The following PTTG1 variants were observed in gnomAD, a reference collection of about 807,000 sequenced individuals.
PTTG1 encodes the protein securin.
A neutral mutation model predicts 20.0 loss-of-function variants in PTTG1; 8 were observed. The ratio of observed to expected loss-of-function variants is 0.40; its 90% CI spans 0.23 to 0.72. The LOEUF (loss-of-function observed/expected upper bound fraction) is 0.72. Ranked by LOEUF, PTTG1 falls within the 30% of genes least tolerant of loss-of-function variation. The probability of loss-of-function intolerance (pLI) is 0.38; values close to 1 mark genes in which losing one functional copy is unlikely to be tolerated. For synonymous variants in PTTG1, 79 were observed against 87.2 expected, an observed-to-expected ratio of 0.91 and a Z score of 0.52; for missense variants, 197 against 236.0, an observed-to-expected ratio of 0.83 and a Z score of 1.08.
intron 4 of PTTG1, among the ~76,000 whole-genome samples, chr5:160,427,079 T>G (rs1001945507): frequency 6.6e-6 from 1 of 152,178 alleles, no homozygotes; most frequent in Admixed American, 6.5e-5. Flanking sequence ...TTGACAAAAT[T>G]TTAACGTTTT....
intron 5 of PTTG1, 71 bp downstream of exon 5, chr5:160,427,944 AGAGTT>A (rs1472900894): frequency 1.9e-6 from 3 of 1,587,070 alleles, no homozygotes; most frequent in Non-Finnish European, 2.6e-6. Context: ...TACCATGGGA[AGAGTT>A]GTGCGGGAGG....
intron 4 of PTTG1, among the ~76,000 whole-genome samples, chr5:160,425,003 G>A (rs764360895): frequency 2.0e-5 from 3 of 152,188 alleles, no homozygotes; most frequent in Non-Finnish European, 2.9e-5. Flanking sequence ...TGCAAAGATC[G>A]TGAGGTAGGA....
rs752435608 is a variant in PTTG1, at chr5:160,428,595, T to C, written c.530-7T>C. On this transcript the variant is annotated splice_region_variant and splice_polypyrimidine_tract_variant and intron_variant, in intron 5 of 5. Coordinates refer to ENST00000352433, the MANE Select transcript of PTTG1 (RefSeq NM_004219.4). ...AGAAATTTTAATAAGAGATTCCTGT[T>C]TTCTAGATCTGTTGCAGTCTCCTTC... The C allele has an allele frequency of 3.7e-6, 6 of 1,613,002 alleles. No individual in the cohort carries two copies. Among genetic ancestry groups the C allele is most frequent in the Non-Finnish European group, 5.1e-6 (6 of 1,179,056 alleles).
At chr5:160,424,201 A>G in intron 3 of PTTG1, 36 bp from the exon 4 acceptor site, 1 of 1,460,102 alleles carries the variant, frequency 6.8e-7, no homozygotes, top group East Asian at 2.3e-5. Context: ...TAAGACTTCC[A>G]CTGTCACTAA....
chr5:160,428,093 A>G (rs1285125526), intron 5 of PTTG1, among the ~76,000 whole-genome samples: 1 of 152,222 alleles, frequency 6.6e-6, no homozygotes, highest in East Asian at 1.9e-4. Context: ...GGATAGTCTT[A>G]CTACAGCCAA....
At chr5:160,423,621 C>G in intron 3 of PTTG1, among the ~76,000 whole-genome samples, 1 of 152,068 alleles carries the variant, frequency 6.6e-6, no homozygotes, top group South Asian at 2.1e-4. Flanking sequence ...GACACAGAAC[C>G]GAAGTGTGAG....
rs369591720 is a variant in PTTG1, at chr5:160,425,942, A to C, written c.370+1612A>C. On this transcript the variant is annotated intron_variant, in intron 4 of 5. Transcript: ENST00000352433. ...TTGAGAAAACAGCTCCTTGAAGAAA[A>C]TTCAGTGTTAAATCCTACTTTTGTT... is the stretch of plus-strand genomic sequence containing the variant. Among the ~76,000 whole-genome samples, 9 of 152,350 alleles carry C rather than the reference A, an allele frequency of 5.9e-5. No homozygotes were observed. In the East Asian group the frequency reaches 9.6e-4, roughly 16 times the overall value.
chr5:160,423,008 G>T, intron 3 of PTTG1, 115 bp downstream of exon 3: 1 of 1,100,918 alleles, frequency 9.1e-7, no homozygotes, highest in Non-Finnish European at 1.3e-6. Flanking sequence ...GGAAATAGAG[G>T]TTAGCAAGCA....
intron 5 of PTTG1, 146 bp downstream of exon 5, chr5:160,428,019 C>A: frequency 9.3e-7 from 1 of 1,078,236 alleles, no homozygotes; most frequent in African/African-American, 1.6e-5. Context: ...GAAAAATAAA[C>A]TATTCTCGAT....
intron 1 of PTTG1, 162 bp downstream of exon 1, chr5:160,422,053 C>G (rs931861437): frequency 2.8e-6 from 1 of 356,304 alleles, no homozygotes; most frequent in East Asian, 5.5e-5. Flanking sequence ...GGACTGCTAA[C>G]TGGACCAACG....
At chr5:160,424,433 G>C in intron 4 of PTTG1, 103 bp downstream of exon 4, 1 of 801,618 alleles carries the variant, frequency 1.2e-6, no homozygotes, top group South Asian at 1.8e-5. Flanking sequence ...CAAAAACTAT[G>C]ATGAGACTGT....
intron 3 of PTTG1, among the ~76,000 whole-genome samples, chr5:160,423,622 G>T (rs569391441): frequency 6.6e-6 from 1 of 152,204 alleles, no homozygotes; most frequent in Non-Finnish European, 1.5e-5. Context: ...ACACAGAACC[G>T]AAGTGTGAGA....
chr5:160,424,365 G>T, intron 4 of PTTG1, 35 bp downstream of exon 4: 1 of 1,455,894 alleles, frequency 6.9e-7, no homozygotes, highest in South Asian at 1.2e-5. Context: ...AGTGCTTTTG[G>T]CCTTTAGTTT....
intron 2 of PTTG1, 72 bp downstream of exon 2, chr5:160,422,475 T>C: frequency 7.2e-7 from 1 of 1,379,390 alleles, no homozygotes; most frequent in Non-Finnish European, 1.0e-6. Context: ...AGACATTTAG[T>C]GTACTTTTTG....
rs376374098 is a variant in PTTG1 at position 160,424,330 on chromosome 5, G to A, written c.370G>A (p.Asp124Asn). Residue 124 changes from aspartate (D) to asparagine (N), a missense_variant and splice_region_variant, in exon 4 of 6, where the codon GAC (aspartate) becomes AAC (asparagine). Physicochemically the swap from Asp to Asn is conservative, Grantham distance 23 (BLOSUM62 1). Coordinates refer to ENST00000352433, the MANE Select transcript of PTTG1 (RefSeq NM_004219.4). ...AAAATTCTTTCCCTTCAATCCTCTA[G>A]GTAGTATCTTTTGCAATTGCGAAAA... is the stretch of plus-strand genomic sequence containing the variant. Reference protein sequence around the residue: ...IEKFFPFNPLDFESFDLPEEH... With the variant: ...IEKFFPFNPLNFESFDLPEEH... 23 of 1,588,124 alleles carry A rather than the reference G, an allele frequency of 1.4e-5. No homozygotes were observed. Among genetic ancestry groups the A allele is most frequent in the Non-Finnish European group, 2.0e-5 (23 of 1,159,336 alleles).
At position 160,428,560 on chromosome 5, in the gene PTTG1, AAG is replaced by A. The variant is rs762642681; in HGVS notation, c.530-41_530-40del. 1.9e-6 allele frequency: 3 copies of A among 1,550,722 alleles called. No homozygotes were observed. In the South Asian group the frequency reaches 3.4e-5, roughly 17 times the overall value. On this transcript the variant is annotated intron_variant, in intron 5 of 5. Transcript: ENST00000352433. ...TCTATGTTGATATGGACAATGACTCAAGGATTTGCAGAAATTTTAATAAGAGA... is the reference window on the plus strand; with the variant it reads ...TCTATGTTGATATGGACAATGACTCAGATTTGCAGAAATTTTAATAAGAGA...
intron 5 of PTTG1, among the ~76,000 whole-genome samples, chr5:160,428,261 C>G (rs1765846047): frequency 6.6e-6 from 1 of 152,202 alleles, no homozygotes. Context: ...TGCAGAAGGT[C>G]TGAGGTCTTC....
At chr5:160,427,912 A>G (rs770236133) in intron 5 of PTTG1, 39 bp downstream of exon 5, 3 of 1,612,750 alleles carry the variant, frequency 1.9e-6, no homozygotes, top group South Asian at 1.1e-5. Context: ...GCTGCAAACA[A>G]TTTGTTTCAT....
chr5:160,426,156 T>C (rs574088192), intron 4 of PTTG1, among the ~76,000 whole-genome samples: 15 of 152,292 alleles, frequency 9.8e-5, no homozygotes, highest in African/African-American at 3.6e-4. Context: ...GTATTAGAAA[T>C]TAAGACTGAG....
Sources: gnomAD v4.1 joint callset for allele counts (sites outside exome capture counted in the v4.1 genomes callset) on GRCh38, gnomAD v4.1.1 for gene constraint, MANE v1.5 for transcripts, NCBI Gene and HGNC (gene_info 2026-07-23, HGNC 2026-07-21) for gene names.